The following SARM1 variants were observed in gnomAD, a reference collection of about 807,000 sequenced individuals.
SARM1 encodes the protein sterile alpha and TIR motif containing 1.
Under a neutral mutation model 65.1 loss-of-function variants are expected in SARM1, and 60 were observed. The ratio of observed to expected loss-of-function variants is 0.92; its 90% confidence interval spans 0.75 to 1.14. The LOEUF (loss-of-function observed/expected upper bound fraction) is 1.14. Ranked by LOEUF, SARM1 falls within the 50% of genes most tolerant of loss-of-function variation. SARM1 has a pLI of 0.00. For synonymous variants in SARM1, 417 were observed against 465.4 expected (o/e 0.90, Z 1.34); for missense variants, 913 against 1,015.7 (o/e 0.90, Z 1.37).
In SARM1 at chr17:28,371,946, C is replaced by T. The variant is rs2067956787; in HGVS notation, c.-87C>T. On this transcript the variant is annotated 5_prime_UTR_variant, in exon 1 of 9. Coordinates refer to ENST00000585482, the MANE Select transcript of SARM1 (RefSeq NM_015077.4). ...CCCCCTCCATCTTCTTTCCCCGACC[C>T]CTCTCGGGTCCCTCTTTTCCCAAAA... 1.5e-5 allele frequency: 15 copies of T among 986,496 alleles called. No individual in the cohort carries two copies. The South Asian group carries it at 2.3e-4, about 15-fold the overall frequency. The allele number at this position is 986,496 out of a possible 1,614,324, so 61.1% of individuals were successfully genotyped here. A position where few individuals can be genotyped will look rare whatever the true frequency, so the allele number is the denominator to read the frequency against.
In SARM1 at chr17:28,388,540, G is replaced by T; in HGVS notation, c.1923+1G>T. 1 of 1,612,240 alleles carries T rather than the reference G, an allele frequency of 6.2e-7. No homozygotes were observed. The highest frequency in any genetic ancestry group is 8.5e-7 in the Non-Finnish European group (1 of 1,179,692). Reference sequence around the variant, plus strand: ...TGACTGCAAGGATTGGGTGCATAAGGTAGGTGCCTGCCTATGCTTCTGCGG... The same window carrying T: ...TGACTGCAAGGATTGGGTGCATAAGTTAGGTGCCTGCCTATGCTTCTGCGG... On this transcript the variant is annotated splice_donor_variant, in intron 7 of 8. Transcript: ENST00000585482. LOFTEE classifies it high-confidence loss of function.
rs2068125761 is a variant in SARM1 at position 28,396,494 on chromosome 17, A to G, written c.*208A>G. The G allele has an allele frequency of 6.5e-6, 4 of 616,248 alleles. No individual in the cohort carries two copies. The East Asian group carries it at 1.1e-4, about 18-fold the overall frequency. The allele number at this position is 616,248 out of a possible 1,614,324, so 38.2% of individuals were successfully genotyped here. On this transcript the variant is annotated 3_prime_UTR_variant, in exon 9 of 9. Coordinates refer to ENST00000585482, the MANE Select transcript of SARM1 (RefSeq NM_015077.4). ...GAGGGAAGGGAAGTCAGGCTTGGGC[A>G]CGGGAGGTTAGAACTCCCCCAGGCC...
At chr17:28,389,295 T>C (rs1555586576) in intron 7 of SARM1, among the ~76,000 whole-genome samples, 1 of 152,096 alleles carries the variant, frequency 6.6e-6, no homozygotes, top group Non-Finnish European at 1.5e-5. Flanking sequence ...AAGCCAAAAT[T>C]TGTGAAGTGC....
At position 28,398,249 on chromosome 17, in the gene SARM1, G is replaced by A. The variant is rs2239908; in HGVS notation, c.*1963G>A. 88,623 of 152,094 alleles carry A rather than the reference G, an allele frequency of 0.58. 26,174 individuals carry two copies. The highest frequency in any genetic ancestry group is 0.72 in the East Asian group (3,734 of 5,172). The allele number at this position is 152,094 out of a possible 1,614,324, so 9.4% of individuals were successfully genotyped here. ...GGCAGTATTCAGAGAGGTTTCCTGC[G>A]TTTTATTTCTATTTGGTATACCCTC... On this transcript the variant is annotated 3_prime_UTR_variant, in exon 9 of 9. Coordinates refer to ENST00000585482, the MANE Select transcript of SARM1 (RefSeq NM_015077.4).
intron 7 of SARM1, among the ~76,000 whole-genome samples, chr17:28,391,385 C>T (rs74760538): frequency 5.3e-4 from 80 of 152,178 alleles, no homozygotes; most frequent in African/African-American, 1.8e-3. Context: ...ATCAAGGAGC[C>T]CATGAAGGAG....
chr17:28,381,340 T>C lies in SARM1; in HGVS notation c.608T>C (p.Val203Ala). ...KHSEETCQRL[V>A]AAGGLDAVLY... ...TCGGAGGAGACATGCCAGAGGCTGG[T>C]GGCGGCCGGCGGCCTGGACGCGGTG... The change falls in exon 2 of 9, where the codon GTG becomes GCG. Residue 203 changes from valine (V) to alanine (A), a missense_variant. Coordinates refer to ENST00000585482, the MANE Select transcript of SARM1 (RefSeq NM_015077.4). The C allele has an allele frequency of 6.3e-7, 1 of 1,588,936 alleles. No homozygotes were observed. Among genetic ancestry groups the C allele is most frequent in the Non-Finnish European group, 8.6e-7 (1 of 1,169,114 alleles).
In SARM1 at chr17:28,384,711, T is replaced by A; in HGVS notation, c.1303-128T>A. On this transcript the variant is annotated intron_variant, in intron 3 of 8. Coordinates refer to ENST00000585482, the MANE Select transcript of SARM1 (RefSeq NM_015077.4). This position sits in a 1 kb window ranked among gnomAD's most constrained non-coding sequence, Gnocchi z 4.4. ...AGCCTGTACGCAGCCACCGTTAGGG[T>A]CACTCGGCTCTGATCTAGGTCCCAT... 1 of 1,178,180 alleles carries A rather than the reference T, an allele frequency of 8.5e-7. No homozygotes were observed. The highest frequency in any genetic ancestry group is 1.2e-6 in the Non-Finnish European group (1 of 823,894). 73.0% of individuals were successfully genotyped at this position (1,178,180 alleles called of 1,614,324 possible).
At position 28,399,606 on chromosome 17, in the gene SARM1, C is replaced by T. The variant is rs1277024128; in HGVS notation, c.*3320C>T. The T allele has an allele frequency of 6.3e-7, 1 of 1,599,168 alleles. No individual in the cohort carries two copies. Among genetic ancestry groups the T allele is most frequent in the Non-Finnish European group, 8.6e-7 (1 of 1,166,910 alleles). The stretch of plus-strand genomic sequence containing the variant: ...GCTTCCAGCTGCAGACCTCCAGTTG[C>T]TTGGTGTTCACTTTGCTCCTCTTGC... On this transcript the variant is annotated 3_prime_UTR_variant, in exon 9 of 9. Coordinates refer to ENST00000585482, the MANE Select transcript of SARM1 (RefSeq NM_015077.4).
Position 28,384,547 on chromosome 17 carries a change from C to T in SARM1, c.1280C>T (p.Ser427Phe). Residue 427 changes from serine to phenylalanine, a missense_variant, in exon 3 of 9, where the codon TCC becomes TTC. By Grantham distance (155) the Ser-to-Phe change is radical (BLOSUM62 -2). Coordinates refer to ENST00000585482, the MANE Select transcript of SARM1 (RefSeq NM_015077.4). This position sits in a 1 kb window ranked among gnomAD's most constrained non-coding sequence, Gnocchi z 4.4. ...VQTWLQQIGF[S>F]KYCESFREQQ... ...ACGTGGCTGCAGCAGATCGGTTTCT[C>T]CAAGTACTGCGAGAGCTTCCGGGTA... 1.2e-6 allele frequency: 2 copies of T among 1,609,996 alleles called. No individual in the cohort carries two copies. Among genetic ancestry groups the T allele is most frequent in the South Asian group, 1.1e-5 (1 of 90,636 alleles).
intron 7 of SARM1, chr17:28,395,620 C>G (rs1326936608): frequency 2.0e-5 from 7 of 356,906 alleles, no homozygotes; most frequent in African/African-American, 6.2e-5. Flanking sequence ...CCCCATAGCA[C>G]CCCCCGGGCC....
In SARM1 at chr17:28,388,273, C is replaced by T. The variant is rs1555586358; in HGVS notation, c.1730C>T (p.Ala577Val). The T allele has an allele frequency of 6.4e-7, 1 of 1,558,110 alleles. No individual in the cohort carries two copies. Among genetic ancestry groups the T allele is most frequent in the Admixed American group, 1.9e-5 (1 of 51,408 alleles). Residue 577 changes from alanine (A) to valine (V), a missense_variant, in exon 6 of 9, where the codon GCC (alanine) becomes GTC (valine). By Grantham distance (64) the Ala-to-Val change is moderately conservative. Transcript: ENST00000585482. Reference sequence around the variant, plus strand: ...CGCCGGAACTCAGGTTCCCAGCTGGCCAGGTGAGGAGGGGCGGGCGGGCAG... The same window carrying T: ...CGCCGGAACTCAGGTTCCCAGCTGGTCAGGTGAGGAGGGGCGGGCGGGCAG... ...SYRRNSGSQL[A>V]SLLKVHLQLH...
In SARM1 at chr17:28,381,819, A is replaced by C; in HGVS notation, c.1087A>C (p.Lys363Gln). The change falls in exon 2 of 9, where the codon AAG becomes CAG. Residue 363 changes from lysine to glutamine, a missense_variant and splice_region_variant. This residue lies in a region of SARM1 where 862 missense variants were observed against 952.1 expected (regional missense o/e 0.91). Coordinates refer to ENST00000585482, the MANE Select transcript of SARM1 (RefSeq NM_015077.4). The part of the protein sequence containing the change: ...AAIKSLQGKT[K>Q]VFSDIGAIQS... ...CATCAAGAGCCTGCAAGGCAAGACC[A>C]AGGTGGGTGCAGATGTGGGGTTGGG... 1 of 1,444,046 alleles carries C rather than the reference A, an allele frequency of 6.9e-7. No individual in the cohort carries two copies. 89.5% of individuals were successfully genotyped at this position (1,444,046 alleles called of 1,614,324 possible).
Position 28,401,205 on chromosome 17 carries a change from G to T in SARM1, c.*4919G>T, listed in dbSNP as rs547413747. ...ATAGCTTCTTATCCTTTGGGTTCCTGTTCCTCCTTCTGCTAAATAAGGATA... is the reference window on the plus strand; with the variant it reads ...ATAGCTTCTTATCCTTTGGGTTCCTTTTCCTCCTTCTGCTAAATAAGGATA... On this transcript the variant is annotated 3_prime_UTR_variant, in exon 9 of 9. Coordinates refer to ENST00000585482, the MANE Select transcript of SARM1 (RefSeq NM_015077.4). 1 of 202,228 alleles carries T rather than the reference G, an allele frequency of 4.9e-6. No homozygotes were observed. Among genetic ancestry groups the T allele is most frequent in the Admixed American group, 5.2e-5 (1 of 19,050 alleles). 12.5% of individuals were successfully genotyped at this position (202,228 alleles called of 1,614,324 possible). A position where few individuals can be genotyped will look rare whatever the true frequency, so the allele number is the denominator to read the frequency against.
chr17:28,381,579 G>C lies in SARM1; in HGVS notation c.847G>C (p.Val283Leu). ...AVAVLATNKE[V>L]EREVERSGTL... The stretch of plus-strand genomic sequence containing the variant: ...AGCGGTGTTGGCGACTAACAAGGAG[G>C]TGGAGCGCGAGGTGGAGCGCTCGGG... Residue 283 changes from valine to leucine, a missense_variant, in exon 2 of 9, where the codon GTG becomes CTG. Val to Leu is a conservative substitution (Grantham distance 32, BLOSUM62 1). Transcript: ENST00000585482. 1 of 1,592,056 alleles carries C rather than the reference G, an allele frequency of 6.3e-7. No individual in the cohort carries two copies.
chr17:28,392,892 C>T (rs1238748945), intron 7 of SARM1, among the ~76,000 whole-genome samples: 2 of 152,160 alleles, frequency 1.3e-5, no homozygotes, highest in African/African-American at 2.4e-5. Flanking sequence ...GTTTCTGGTG[C>T]TTAATTGCCT....
chr17:28,378,495 A>G (rs1555584844), intron 1 of SARM1, among the ~76,000 whole-genome samples: 1 of 152,196 alleles, frequency 6.6e-6, no homozygotes, highest in Non-Finnish European at 1.5e-5. Flanking sequence ...GTGTTCTGCT[A>G]AAATCTTTAA....
In SARM1 at chr17:28,398,158, A is replaced by G. The variant is rs1436003414; in HGVS notation, c.*1872A>G. On this transcript the variant is annotated 3_prime_UTR_variant, in exon 9 of 9. Transcript: ENST00000585482. ...GCCAATAACAATACAGTGTCTGAGT[A>G]TCTCCAGGGGATGATTTCTGGCTCT... is the stretch of plus-strand genomic sequence containing the variant. 6.6e-6 allele frequency: 1 copy of G among 152,334 alleles called. No homozygotes were observed. 9.4% of individuals were successfully genotyped at this position (152,334 alleles called of 1,614,324 possible). A position where few individuals can be genotyped will look rare whatever the true frequency, so the allele number is the denominator to read the frequency against.
chr17:28,376,403 C>CAAAAAAAAAAAAAA (rs58695374), intron 1 of SARM1, among the ~76,000 whole-genome samples: 7 of 83,902 alleles, frequency 8.3e-5, no homozygotes, highest in Middle Eastern at 8.5e-3. Flanking sequence ...ACTAAAAATA[C>CAAAAAAAAAAAAAA]AAAAAAAAAA....
At chr17:28,375,935 A>G (rs2142423994) in intron 1 of SARM1, among the ~76,000 whole-genome samples, 1 of 152,328 alleles carries the variant, frequency 6.6e-6, no homozygotes, top group East Asian at 1.9e-4. Flanking sequence ...ATATACAGGC[A>G]TTTGCATGTA....
Sources: allele counts gnomAD v4.1 joint callset (sites outside exome capture counted in the v4.1 genomes callset), GRCh38; gene constraint gnomAD v4.1.1; regional missense constraint gnomAD v4.1.1; non-coding constraint Gnocchi (gnomAD v3.1); transcripts MANE v1.5; gene names NCBI Gene and HGNC (gene_info 2026-07-23, HGNC 2026-07-21).